The following GPM6A variants were observed in gnomAD, a reference collection of about 807,000 sequenced individuals.
The protein encoded by GPM6A is neuronal membrane glycoprotein M6-a.
A neutral mutation model predicts 32.1 loss-of-function variants in GPM6A; 7 were observed. The ratio of observed to expected loss-of-function variants is 0.22; its 90% CI spans 0.12 to 0.41. The LOEUF (loss-of-function observed/expected upper bound fraction) is 0.41, where lower values mean the gene tolerates loss of function less well. GPM6A is among the 10% of genes least tolerant of loss of function. GPM6A has a pLI of 1.00. For synonymous variants in GPM6A, 130 were observed against 123.4 expected, an observed-to-expected ratio of 1.05 and a Z score of -0.35; for missense variants, 235 against 347.2, an observed-to-expected ratio of 0.68 and a Z score of 2.57.
At chr4:175,822,729 T>C (rs1486496947) in intron 1 of GPM6A, among the ~76,000 whole-genome samples, 1 of 151,872 alleles carries the variant, frequency 6.6e-6, no homozygotes, top group African/African-American at 2.4e-5. Flanking sequence ...GTTACATAGG[T>C]ATACATGTGC....
rs187344913 is a variant in GPM6A at position 175,966,515 on chromosome 4, G to A, written c.-23+35794C>T. ...GGAGGTGTGGAGGTGGGGCCTTTGG[G>A]AACAGTTAGATTATGAAGGTGGAGT... On this transcript the variant is annotated intron_variant, in intron 1 of 7. Transcript: ENST00000280187. Among the ~76,000 whole-genome samples the A allele has an allele frequency of 4.3e-4, 65 of 151,510 alleles. 1 individual carries two copies. In the South Asian group the frequency reaches 0.013, roughly 30 times the overall value.
chr4:175,925,255 C>T (rs770048759), intron 1 of GPM6A, among the ~76,000 whole-genome samples: 4 of 152,120 alleles, frequency 2.6e-5, no homozygotes, highest in African/African-American at 4.8e-5. Context: ...CTGTGGAGTG[C>T]GACTTTGCAT....
At chr4:175,760,514 G>A (rs527259407) in intron 1 of GPM6A, among the ~76,000 whole-genome samples, 4 of 152,188 alleles carry the variant, frequency 2.6e-5, no homozygotes, top group African/African-American at 9.6e-5. Context: ...ATGAATATAT[G>A]CTCAAAAGAC....
chr4:176,000,683 T>C (rs979793791), intron 1 of GPM6A, among the ~76,000 whole-genome samples: 21 of 152,180 alleles, frequency 1.4e-4, no homozygotes, highest in Non-Finnish European at 2.5e-4. Flanking sequence ...ACTTTCCATT[T>C]CTGACAGCTT....
chr4:175,700,158 C>T (rs926131178), intron 2 of GPM6A, among the ~76,000 whole-genome samples: 6 of 151,962 alleles, frequency 3.9e-5, no homozygotes, highest in Non-Finnish European at 5.9e-5. Flanking sequence ...CCACCACACC[C>T]GGCCCACAAC....
intron 1 of GPM6A, among the ~76,000 whole-genome samples, chr4:175,708,957 C>A (rs1745375603): frequency 6.6e-6 from 1 of 152,086 alleles, no homozygotes; most frequent in Non-Finnish European, 1.5e-5. Flanking sequence ...CTATCCAGTC[C>A]ACTTGTGTAC....
intron 6 of GPM6A, 37 bp downstream of exon 6, chr4:175,640,092 A>C: frequency 1.3e-6 from 2 of 1,506,390 alleles, no homozygotes; most frequent in East Asian, 2.3e-5. Flanking sequence ...TTTGGAATTC[A>C]CATTGAAAAC....
intron 1 of GPM6A, among the ~76,000 whole-genome samples, chr4:175,918,157 GA>G (rs199882736): frequency 2.0e-5 from 3 of 149,260 alleles, no homozygotes; most frequent in South Asian, 4.2e-4. Context: ...ACAGAAAAAT[GA>G]AAAAAAAAGA....
At chr4:175,731,150 T>C (rs149374648) in intron 1 of GPM6A, among the ~76,000 whole-genome samples, 3 of 152,304 alleles carry the variant, frequency 2.0e-5, no homozygotes, top group East Asian at 3.9e-4. Context: ...CGGCACATCT[T>C]AGATTAGTTA....
intron 1 of GPM6A, among the ~76,000 whole-genome samples, chr4:175,900,826 G>T (rs1323536583): frequency 1.3e-5 from 2 of 152,176 alleles, no homozygotes; most frequent in East Asian, 3.9e-4. Flanking sequence ...GCACTCCTAT[G>T]TTTGTTGAAG....
chr4:175,656,583 G>T (rs541499890), intron 3 of GPM6A, among the ~76,000 whole-genome samples: 2 of 152,088 alleles, frequency 1.3e-5, no homozygotes, highest in African/African-American at 2.4e-5. Context: ...AAGAGGCAAG[G>T]TTTCATGTTC....
chr4:175,748,021 T>C (rs1195917182), intron 1 of GPM6A, among the ~76,000 whole-genome samples: 1 of 152,214 alleles, frequency 6.6e-6, no homozygotes, highest in Non-Finnish European at 1.5e-5. Context: ...GAAGCAACTC[T>C]TCATCCACTC....
chr4:175,708,447 G>A (rs1579409927), intron 1 of GPM6A, among the ~76,000 whole-genome samples: 1 of 151,442 alleles, frequency 6.6e-6, no homozygotes, highest in Non-Finnish European at 1.5e-5. Flanking sequence ...GTGCAATGAC[G>A]CAATCTTGGC....
intron 1 of GPM6A, among the ~76,000 whole-genome samples, chr4:175,847,980 T>C (rs1736140243): frequency 1.3e-5 from 2 of 152,220 alleles, no homozygotes; most frequent in South Asian, 4.1e-4. Context: ...GGGAAACTGC[T>C]ATAGTTTCCT....
At chr4:175,660,383 CA>C (rs531049117) in intron 3 of GPM6A, among the ~76,000 whole-genome samples, 7,428 of 136,214 alleles carry the variant, frequency 0.055, 197 homozygotes, top group Non-Finnish European at 0.066. Flanking sequence ...GACTCCATCT[CA>C]AAAAAAAAAA....
chr4:175,742,724 A>G (rs1731938054), intron 1 of GPM6A, among the ~76,000 whole-genome samples: 1 of 152,208 alleles, frequency 6.6e-6, no homozygotes, highest in Non-Finnish European at 1.5e-5. Flanking sequence ...ACAAGAGCAG[A>G]AGTGATTTCG....
At chr4:175,970,814 C>G (rs1422686731) in intron 1 of GPM6A, 8 of 446,268 alleles carry the variant, frequency 1.8e-5, no homozygotes, top group Admixed American at 1.8e-4. Flanking sequence ...ACCGCTTCTA[C>G]TAAATTACTA....
At chr4:175,838,137 A>ACACACACACACACG (rs1735830774) in intron 1 of GPM6A, among the ~76,000 whole-genome samples, 1 of 142,950 alleles carries the variant, frequency 7.0e-6, no homozygotes, top group African/African-American at 2.6e-5. Context: ...ACACACACAC[A>ACACACACACACACG]CACGCACCCC....
At chr4:175,873,759 C>T (rs1332299939) in intron 1 of GPM6A, among the ~76,000 whole-genome samples, 1 of 152,170 alleles carries the variant, frequency 6.6e-6, no homozygotes, top group Non-Finnish European at 1.5e-5. Context: ...GGTCTCCTCA[C>T]TATTACAGAC....
Sources: allele counts gnomAD v4.1 joint callset (sites outside exome capture counted in the v4.1 genomes callset), GRCh38; gene constraint gnomAD v4.1.1; transcripts MANE v1.5; gene names NCBI Gene and HGNC (gene_info 2026-07-23, HGNC 2026-07-21).